The following STK33 variants were observed in gnomAD, a reference collection of about 807,000 sequenced individuals.
STK33 encodes serine/threonine-protein kinase 33.
A neutral mutation model predicts 58.0 loss-of-function variants in STK33; 52 were observed. The observed-to-expected ratio is 0.90, with a 90% CI of 0.72 to 1.13. The LOEUF is 1.13. Among genes scored for constraint, STK33 ranks in the 50% most tolerant of loss-of-function variants. STK33 has a pLI of 0.00. For missense variants in STK33, 630 were observed against 604.2 expected (o/e 1.04, Z -0.45); for synonymous variants, 215 against 200.1 (o/e 1.07, Z -0.63).
chr11:8,491,535 G>A (rs1422838599), intron 1 of STK33, among the ~76,000 whole-genome samples: 2 of 152,198 alleles, frequency 1.3e-5, no homozygotes, highest in African/African-American at 2.4e-5. Flanking sequence ...ATATTATCCA[G>A]GAGAATTTCC....
chr11:8,401,492 G>T (rs1000043561), intron 15 of STK33, among the ~76,000 whole-genome samples: 3 of 152,114 alleles, frequency 2.0e-5, no homozygotes, highest in Non-Finnish European at 4.4e-5. Flanking sequence ...AGACTTAAAT[G>T]TTAAGACCTA....
At chr11:8,478,317 A>C (rs1195992770) in intron 2 of STK33, among the ~76,000 whole-genome samples, 2 of 152,214 alleles carry the variant, frequency 1.3e-5, no homozygotes, top group Non-Finnish European at 2.9e-5. Context: ...TATTACAAAA[A>C]CCAAAGAATC....
intron 1 of STK33, among the ~76,000 whole-genome samples, chr11:8,552,368 A>C (rs1178405481): frequency 6.6e-6 from 1 of 152,164 alleles, no homozygotes; most frequent in Non-Finnish European, 1.5e-5. Flanking sequence ...AGGGAGAGTG[A>C]TGCCAGAGGA....
chr11:8,400,756 G>A (rs1434620121), intron 15 of STK33, among the ~76,000 whole-genome samples: 2 of 152,072 alleles, frequency 1.3e-5, no homozygotes, highest in Non-Finnish European at 2.9e-5. Flanking sequence ...TAAGCTGATA[G>A]GCAACTTCAG....
intron 1 of STK33, among the ~76,000 whole-genome samples, chr11:8,591,751 T>C (rs2032628349): frequency 6.6e-6 from 1 of 150,962 alleles, no homozygotes; most frequent in East Asian, 2.0e-4. Context: ...AACCAAACAC[T>C]GCATATTCTC....
intron 1 of STK33, among the ~76,000 whole-genome samples, chr11:8,542,908 G>A (rs533643583): frequency 1.3e-5 from 2 of 151,952 alleles, no homozygotes; most frequent in East Asian, 3.9e-4. Context: ...ACGGGGTTTC[G>A]CCATGTTGCC....
chr11:8,517,304 G>A (rs1365651917), intron 1 of STK33, among the ~76,000 whole-genome samples: 2 of 152,104 alleles, frequency 1.3e-5, no homozygotes, highest in Non-Finnish European at 2.9e-5. Flanking sequence ...CAAACAGAAA[G>A]GACATCCACA....
chr11:8,587,895 A>T (rs551794355), intron 1 of STK33, among the ~76,000 whole-genome samples: 1 of 152,372 alleles, frequency 6.6e-6, no homozygotes, highest in South Asian at 2.1e-4. Flanking sequence ...CAGGCCAATT[A>T]TCTTAGTTCA....
intron 1 of STK33, among the ~76,000 whole-genome samples, chr11:8,546,059 G>A (rs547077802): frequency 1.3e-5 from 2 of 152,238 alleles, no homozygotes; most frequent in South Asian, 4.1e-4. Flanking sequence ...CATAGAAAAG[G>A]TATAGTAAAA....
At chr11:8,511,007 T>C (rs1484653871) in intron 1 of STK33, among the ~76,000 whole-genome samples, 2 of 152,182 alleles carry the variant, frequency 1.3e-5, no homozygotes, top group Non-Finnish European at 2.9e-5. Context: ...TTTGGTATTG[T>C]TTTTCTAGTT....
chr11:8,487,111 G>A (rs893640595), intron 1 of STK33, among the ~76,000 whole-genome samples: 1 of 152,094 alleles, frequency 6.6e-6, no homozygotes, highest in Non-Finnish European at 1.5e-5. Context: ...AATCTAGGTA[G>A]AAAACATGAA....
At chr11:8,564,962 G>A (rs1428028410) in intron 1 of STK33, among the ~76,000 whole-genome samples, 2 of 152,202 alleles carry the variant, frequency 1.3e-5, no homozygotes, top group African/African-American at 4.8e-5. Context: ...GCCTGCAGGT[G>A]TAAAAATAAA....
chr11:8,354,259 T>C, the STK33 span, among the ~76,000 whole-genome samples: 8 of 151,912 alleles, frequency 5.3e-5, no homozygotes, highest in African/African-American at 1.9e-4. Flanking sequence ...CGGAACTGCC[T>C]CCCAGAATCC....
At chr11:8,344,290 G>A in the STK33 span, among the ~76,000 whole-genome samples, 8 of 152,044 alleles carry the variant, frequency 5.3e-5, no homozygotes, top group Non-Finnish European at 1.5e-5. Context: ...GCTGAGCCAG[G>A]AGGATCACTT....
chr11:8,583,069 C>T (rs996076145), intron 1 of STK33, among the ~76,000 whole-genome samples: 1 of 152,194 alleles, frequency 6.6e-6, no homozygotes, highest in Admixed American at 6.5e-5. Flanking sequence ...GAATGTTTTT[C>T]CTCATAATGA....
chr11:8,350,642 G>A, the STK33 span, among the ~76,000 whole-genome samples: 2 of 152,154 alleles, frequency 1.3e-5, no homozygotes, highest in Non-Finnish European at 2.9e-5. Context: ...GGGATAGGCA[G>A]GAAAGTGGGG....
At chr11:8,419,074 TCTTTAGTTTAATTACATACCA>T (rs1941543168) in intron 14 of STK33, among the ~76,000 whole-genome samples, 1 of 152,218 alleles carries the variant, frequency 6.6e-6, no homozygotes, top group Non-Finnish European at 1.5e-5. Flanking sequence ...GTACAGAAGC[TCTTTAGTTTAATTACATACCA>T]CTTGTCATTT....
At chr11:8,575,397 G>A (rs79547217) in intron 1 of STK33, among the ~76,000 whole-genome samples, 10 of 152,166 alleles carry the variant, frequency 6.6e-5, no homozygotes, top group African/African-American at 1.9e-4. Flanking sequence ...TGTGGTATAC[G>A]GACACAAGGG....
At chr11:8,552,828 A>G (rs1220803060) in intron 1 of STK33, among the ~76,000 whole-genome samples, 1 of 151,954 alleles carries the variant, frequency 6.6e-6, no homozygotes, top group African/African-American at 2.4e-5. Flanking sequence ...TTTTTTTAAT[A>G]AGTGAAAAGA....
Sources: gnomAD v4.1 joint callset for allele counts (sites outside exome capture counted in the v4.1 genomes callset) on GRCh38, gnomAD v4.1.1 for gene constraint, MANE v1.5 for transcripts, NCBI Gene and HGNC (gene_info 2026-07-23, HGNC 2026-07-21) for gene names.